THSD4: variants seen among roughly 807,000 people sequenced by gnomAD.
The protein encoded by THSD4 is thrombospondin type-1 domain-containing protein 4.
In THSD4, 69 loss-of-function variants were observed where a neutral mutation model predicts 119.0. That is an observed-to-expected ratio of 0.58 (90% CI 0.48 to 0.71). The LOEUF is 0.71. Among genes scored for constraint, THSD4 ranks in the 30% least tolerant of loss-of-function variants. The pLI is 0.00. For synonymous variants in THSD4, 524 were observed against 540.4 expected, an observed-to-expected ratio of 0.97 and a Z score of 0.42; for missense variants, 1,393 against 1,391.1, an observed-to-expected ratio of 1.00 and a Z score of -0.02.
At chr15:71,317,990 G>A (rs539386345) in intron 6 of THSD4, among the ~76,000 whole-genome samples, 1 of 152,286 alleles carries the variant, frequency 6.6e-6, no homozygotes, top group East Asian at 1.9e-4. Flanking sequence ...TATTAGGTGA[G>A]GAGGTGGTGG....
chr15:71,283,862 G>A (rs2044684546), intron 6 of THSD4, among the ~76,000 whole-genome samples: 1 of 152,204 alleles, frequency 6.6e-6, no homozygotes, highest in Admixed American at 6.5e-5. Flanking sequence ...GATCTGCTCT[G>A]TTGAGAGCTC....
chr15:71,219,824 C>T (rs2043960916), intron 4 of THSD4, among the ~76,000 whole-genome samples: 1 of 152,166 alleles, frequency 6.6e-6, no homozygotes, highest in African/African-American at 2.4e-5. Context: ...TGAGAAGCAA[C>T]AGCACTAGAA....
intron 1 of THSD4, among the ~76,000 whole-genome samples, chr15:71,127,211 C>T (rs1488042815): frequency 6.6e-6 from 1 of 152,172 alleles, no homozygotes; most frequent in Non-Finnish European, 1.5e-5. Context: ...TTTCATTTAG[C>T]TTAATGTCCT....
At chr15:71,388,288 A>G (rs1400871341) in intron 6 of THSD4, among the ~76,000 whole-genome samples, 1 of 152,164 alleles carries the variant, frequency 6.6e-6, no homozygotes, top group Non-Finnish European at 1.5e-5. Context: ...CACCAAACCT[A>G]TATGGAGTAC....
intron 7 of THSD4, among the ~76,000 whole-genome samples, chr15:71,467,861 T>G (rs7497552): frequency 0.019 from 1,930 of 103,262 alleles, 33 homozygotes; most frequent in South Asian, 0.092. Flanking sequence ...TTTTTTTTCT[T>G]TTTTTGAGAC....
intron 7 of THSD4, among the ~76,000 whole-genome samples, chr15:71,470,170 T>C (rs1005751815): frequency 2.0e-5 from 3 of 152,210 alleles, no homozygotes; most frequent in Admixed American, 6.5e-5. Context: ...TTAAATCTTT[T>C]CATTTTTTTT....
intron 7 of THSD4, among the ~76,000 whole-genome samples, chr15:71,535,438 TG>T (rs2048676693): frequency 6.6e-6 from 1 of 152,218 alleles, no homozygotes; most frequent in Non-Finnish European, 1.5e-5. Flanking sequence ...TGAATAATGC[TG>T]CTACGAACAT....
intron 8 of THSD4, among the ~76,000 whole-genome samples, chr15:71,661,816 T>A (rs2051314503): frequency 6.6e-6 from 1 of 152,246 alleles, no homozygotes; most frequent in Admixed American, 6.5e-5. Flanking sequence ...TAATTATTTA[T>A]TGAACAGGAA....
chr15:71,227,691 G>A (rs1033220840), intron 4 of THSD4, among the ~76,000 whole-genome samples: 4 of 152,202 alleles, frequency 2.6e-5, no homozygotes, highest in East Asian at 3.9e-4. Context: ...AGGAAGGGAC[G>A]GAATGGGATT....
At chr15:71,529,480 G>A (rs1490397701) in intron 7 of THSD4, among the ~76,000 whole-genome samples, 1 of 152,192 alleles carries the variant, frequency 6.6e-6, no homozygotes, top group Non-Finnish European at 1.5e-5. Context: ...GATGGAATGA[G>A]GTTCTCTGTC....
At chr15:71,266,371 G>A (rs1032874809) in intron 6 of THSD4, among the ~76,000 whole-genome samples, 4 of 152,156 alleles carry the variant, frequency 2.6e-5, no homozygotes, top group African/African-American at 9.7e-5. Context: ...AGAGGGGCCT[G>A]ACTGTTAGAA....
Position 71,431,539 on chromosome 15 carries a change from C to T in THSD4, c.1152+19716C>T, listed in dbSNP as rs187607326. ...TGAGAGTTCACAATAATGATGCAAT[C>T]GACAAGGTGTTCTGTGAAAGATCTG... On this transcript the variant is annotated intron_variant, in intron 7 of 17. Coordinates refer to ENST00000261862, the MANE Select transcript of THSD4 (RefSeq NM_024817.3). 1.9e-4 allele frequency among the ~76,000 whole-genome samples: 29 copies of T among 152,180 alleles called. 1 individual carries two copies. In the South Asian group the frequency reaches 2.9e-3, roughly 15 times the overall value.
chr15:71,195,219 G>T (rs1030863337), intron 3 of THSD4, among the ~76,000 whole-genome samples: 1 of 152,172 alleles, frequency 6.6e-6, no homozygotes, highest in South Asian at 2.1e-4. Context: ...TCCCTATATG[G>T]GTTGTTTTCC....
chr15:71,667,267 T>C (rs901222995), intron 8 of THSD4, among the ~76,000 whole-genome samples: 3 of 152,228 alleles, frequency 2.0e-5, no homozygotes, highest in African/African-American at 7.2e-5. Context: ...GAAAAAAAAG[T>C]TTATTTAAAT....
intron 6 of THSD4, among the ~76,000 whole-genome samples, chr15:71,351,044 C>T (rs898618346): frequency 6.6e-6 from 1 of 152,172 alleles, no homozygotes; most frequent in Non-Finnish European, 1.5e-5. Flanking sequence ...ATGACCTCTG[C>T]TTGGGAAGTG....
chr15:71,389,922 G>A (rs959730798), intron 6 of THSD4, among the ~76,000 whole-genome samples: 1 of 146,090 alleles, frequency 6.8e-6, no homozygotes, highest in Non-Finnish European at 1.5e-5. Flanking sequence ...TGATTCTTCT[G>A]CCTCAGCCTG....
At chr15:71,683,072 C>T (rs2051829978) in intron 8 of THSD4, among the ~76,000 whole-genome samples, 1 of 151,782 alleles carries the variant, frequency 6.6e-6, no homozygotes, top group Admixed American at 6.6e-5. Flanking sequence ...CAGACTCACA[C>T]CACCATGCCT....
rs79035353 is a variant in THSD4 at position 71,617,890 on chromosome 15, C to T, written c.1153-42640C>T. 7.3e-3 allele frequency among the ~76,000 whole-genome samples: 1,109 copies of T among 152,280 alleles called. 4 individuals carry two copies. Among genetic ancestry groups the T allele is most frequent in the Non-Finnish European group, 0.01 (681 of 68,018 alleles). On this transcript the variant is annotated intron_variant, in intron 7 of 17. Transcript: ENST00000261862. ...AAAATTGAATTATGAAAACAATTTT[C>T]CAGTTAGCTCCAGCGTTTCTTGATT...
At chr15:71,134,367 T>G (rs544906244) in intron 1 of THSD4, among the ~76,000 whole-genome samples, 1 of 152,132 alleles carries the variant, frequency 6.6e-6, no homozygotes, top group Non-Finnish European at 1.5e-5. Flanking sequence ...CTCAGGAGGG[T>G]GGGACCTCCA....
Sources: allele counts gnomAD v4.1 joint callset (sites outside exome capture counted in the v4.1 genomes callset), GRCh38; gene constraint gnomAD v4.1.1; transcripts MANE v1.5; gene names NCBI Gene and HGNC (gene_info 2026-07-23, HGNC 2026-07-21).